The following OTOGL variants were observed in gnomAD, a reference collection of about 807,000 sequenced individuals.
OTOGL encodes the protein otogelin like.
Under a neutral mutation model 318.5 loss-of-function variants are expected in OTOGL, and 285 were observed. That is an observed-to-expected ratio of 0.89 (90% CI 0.81 to 0.99). The LOEUF (loss-of-function observed/expected upper bound fraction) is 0.99, where lower values mean the gene tolerates loss of function less well. Ranked by LOEUF, OTOGL falls within the 50% of genes least tolerant of loss-of-function variation. The pLI, the probability that OTOGL is intolerant of heterozygous loss-of-function variation, is 0.00. For synonymous variants in OTOGL, 987 were observed against 936.5 expected (o/e 1.05, Z -0.99); for missense variants, 2,899 against 2,845.6 (o/e 1.02, Z -0.43).
At chr12:80,114,954 TTCAGCTCCATC>T (rs1228179318) in intron 1 of OTOGL, among the ~76,000 whole-genome samples, 2 of 151,942 alleles carry the variant, frequency 1.3e-5, no homozygotes, top group Non-Finnish European at 2.9e-5. Context: ...TGCTGTGTTT[TTCAGCTCCATC>T]AGGTCATTTA....
chr12:80,365,886 T>G (rs925733413), intron 52 of OTOGL, among the ~76,000 whole-genome samples: 1 of 152,136 alleles, frequency 6.6e-6, no homozygotes, highest in African/African-American at 2.4e-5. Context: ...TTAGACACAA[T>G]TCTTGAAACT....
chr12:80,197,962 A>G (rs1288423623), intron 1 of OTOGL, among the ~76,000 whole-genome samples: 2 of 148,750 alleles, frequency 1.3e-5, no homozygotes, highest in African/African-American at 2.5e-5. Context: ...CAAACTTTCT[A>G]TTTTTTTTTT....
intron 1 of OTOGL, among the ~76,000 whole-genome samples, chr12:80,174,480 A>C (rs1874401964): frequency 6.6e-6 from 1 of 152,214 alleles, no homozygotes; most frequent in South Asian, 2.1e-4. Context: ...TACTTGGGAC[A>C]TAGGATCTTT....
rs114809835 is a variant in OTOGL, at chr12:80,156,007, A to G, written c.-19-53406A>G. ...TATGTATATGTACCATATTTTCTTTATCCACTTGTGATGGCTAATACTGAG... is the reference window on the plus strand; with the variant it reads ...TATGTATATGTACCATATTTTCTTTGTCCACTTGTGATGGCTAATACTGAG... On this transcript the variant is annotated intron_variant, in intron 1 of 58. Coordinates refer to ENST00000547103, the MANE Select transcript of OTOGL (RefSeq NM_001378609.3). Among the ~76,000 whole-genome samples the G allele has an allele frequency of 3.1e-3, 468 of 152,252 alleles. 1 individual carries two copies. The highest frequency in any genetic ancestry group is 0.011 in the African/African-American group (446 of 41,530).
Position 80,323,844 on chromosome 12 carries a change from A to C in OTOGL, c.4199+4A>C. The C allele has an allele frequency of 6.3e-7, 1 of 1,594,982 alleles. No homozygotes were observed. The highest frequency in any genetic ancestry group is 8.6e-7 in the Non-Finnish European group (1 of 1,162,714). ...TAGCATGTAAATTTCTTCCACCGTA[A>C]GTAACGTTTACCAATAAGTGATCAA... is the stretch of plus-strand genomic sequence containing the variant. On this transcript the variant is annotated splice_donor_region_variant and intron_variant, in intron 35 of 58. Coordinates refer to ENST00000547103, the MANE Select transcript of OTOGL (RefSeq NM_001378609.3).
chr12:80,179,444 T>A (rs1261870), intron 1 of OTOGL, among the ~76,000 whole-genome samples: 48,942 of 151,554 alleles, frequency 0.32, 8,495 homozygotes, highest in Middle Eastern at 0.44. Context: ...AAATACCTTT[T>A]AAAAAAAATA....
At chr12:80,306,811 TATTA>T (rs1886145745) in intron 29 of OTOGL, among the ~76,000 whole-genome samples, 3 of 149,066 alleles carry the variant, frequency 2.0e-5, no homozygotes, top group African/African-American at 7.4e-5. Flanking sequence ...TTATTATTAT[TATTA>T]TTATTTTTTA....
chr12:80,339,095 T>C lies in OTOGL; in HGVS notation c.4881T>C (p.Val1627=), dbSNP rs1366374753. 2 of 1,608,284 alleles carry C rather than the reference T, an allele frequency of 1.2e-6. No individual in the cohort carries two copies. Among genetic ancestry groups the C allele is most frequent in the Non-Finnish European group, 1.7e-6 (2 of 1,175,754 alleles). Residue 1627 remains valine, a synonymous_variant, in exon 43 of 59, where the codon GTT becomes GTC. Transcript: ENST00000547103. ...TCTAGGTAGAAGTGGATTCCATTGT[T>C]GTGCCTTTGCCCTTTTCAAGTCAGG... The part of the protein sequence containing the change: ...LARKVEVDSI[V]VPLPFSSQEL...
chr12:80,219,700 A>G, intron 5 of OTOGL, 114 bp from the exon 6 acceptor site: 3 of 711,036 alleles, frequency 4.2e-6, no homozygotes, highest in South Asian at 3.3e-5. Context: ...AGAGGCTGAG[A>G]GTTCTGTTTA....
intron 45 of OTOGL, 83 bp downstream of exon 45, chr12:80,352,519 A>G: frequency 8.6e-7 from 1 of 1,158,866 alleles, no homozygotes; most frequent in East Asian, 2.7e-5. Context: ...TTTCTTTTTT[A>G]TCATGAACTA....
intron 11 of OTOGL, 138 bp from the exon 12 acceptor site, chr12:80,251,555 T>A: frequency 1.7e-6 from 1 of 596,294 alleles, no homozygotes; most frequent in South Asian, 2.6e-5. Context: ...AGATATATTA[T>A]GAGTGACACA....
intron 35 of OTOGL, among the ~76,000 whole-genome samples, chr12:80,327,086 A>G (rs1887720457): frequency 6.6e-6 from 1 of 152,234 alleles, no homozygotes. Context: ...AATTCTCTGT[A>G]GTATGTAGTA....
chr12:80,236,818 T>TTCTTC (rs1879901075), intron 9 of OTOGL, among the ~76,000 whole-genome samples: 1 of 147,100 alleles, frequency 6.8e-6, no homozygotes, highest in African/African-American at 2.5e-5. Context: ...TTTCTTTTCT[T>TTCTTC]TTTTTTTTTT....
At chr12:80,377,694 C>T (rs1314744270) in intron 58 of OTOGL, among the ~76,000 whole-genome samples, 154 bp from the exon 59 acceptor site, 1 of 152,020 alleles carries the variant, frequency 6.6e-6, no homozygotes, top group Admixed American at 6.6e-5. Flanking sequence ...ACTGATGTTT[C>T]ATTTATTGTT....
chr12:80,162,631 CCT>C (rs1320292224), intron 1 of OTOGL, among the ~76,000 whole-genome samples: 1 of 152,012 alleles, frequency 6.6e-6, no homozygotes, highest in African/African-American at 2.4e-5. Context: ...GTCATCTCCC[CCT>C]GTCTCTTCAC....
Position 80,332,343 on chromosome 12 carries a change from G to A in OTOGL, c.4349-662G>A, listed in dbSNP as rs117582137. On this transcript the variant is annotated intron_variant, in intron 37 of 58. Coordinates refer to ENST00000547103, the MANE Select transcript of OTOGL (RefSeq NM_001378609.3). ...GTTATTTTTAAACACTGTCAACTAC[G>A]GGCACTGCGATTATGGCTGAGAATA... is the stretch of plus-strand genomic sequence containing the variant. 5.1e-3 allele frequency among the ~76,000 whole-genome samples: 781 copies of A among 152,166 alleles called. 4 individuals are homozygous for A. Among genetic ancestry groups the A allele is most frequent in the Non-Finnish European group, 7.2e-3 (490 of 68,008 alleles).
intron 1 of OTOGL, among the ~76,000 whole-genome samples, chr12:80,196,276 C>T (rs1285315170): frequency 3.3e-5 from 5 of 152,172 alleles, no homozygotes; most frequent in Non-Finnish European, 5.9e-5. Flanking sequence ...TGCAATTTTT[C>T]CCAGGGACAG....
intron 4 of OTOGL, among the ~76,000 whole-genome samples, chr12:80,216,400 G>A (rs1291607856): frequency 1.3e-5 from 2 of 152,142 alleles, no homozygotes; most frequent in East Asian, 3.9e-4. Flanking sequence ...TGAAATATAA[G>A]TGCTATTGGA....
chr12:80,233,445 TC>T (rs1879559365), intron 9 of OTOGL, among the ~76,000 whole-genome samples: 1 of 152,184 alleles, frequency 6.6e-6, no homozygotes, highest in East Asian at 1.9e-4. Flanking sequence ...AAGTTTATAT[TC>T]TAGTGGTTCA....
Sources: allele counts gnomAD v4.1 joint callset (sites outside exome capture counted in the v4.1 genomes callset), GRCh38; gene constraint gnomAD v4.1.1; transcripts MANE v1.5; gene names NCBI Gene and HGNC (gene_info 2026-07-23, HGNC 2026-07-21).